CCDC73: variants seen among roughly 807,000 people sequenced by gnomAD.
The protein encoded by CCDC73 is coiled-coil domain containing 73.
Under a neutral mutation model 116.5 loss-of-function variants are expected in CCDC73, and 95 were observed. That is an observed-to-expected ratio of 0.82 (90% CI 0.69 to 0.97). The LOEUF (loss-of-function observed/expected upper bound fraction) is 0.97, where lower values mean the gene tolerates loss of function less well. CCDC73 is among the 50% of genes least tolerant of loss of function. CCDC73 has a pLI of 0.00. For missense variants in CCDC73, 1,066 were observed against 1,206.8 expected, an observed-to-expected ratio of 0.88 and a Z score of 1.73; for synonymous variants, 398 against 401.3, an observed-to-expected ratio of 0.99 and a Z score of 0.10.
At chr11:32,670,711 C>T (rs995977088) in intron 9 of CCDC73, among the ~76,000 whole-genome samples, 19 of 152,076 alleles carry the variant, frequency 1.2e-4, no homozygotes, top group Admixed American at 9.2e-4. Flanking sequence ...TTACAAAATG[C>T]GACAAATGTC....
At chr11:32,648,903 A>G (rs1855802347) in intron 12 of CCDC73, among the ~76,000 whole-genome samples, 1 of 152,168 alleles carries the variant, frequency 6.6e-6, no homozygotes. Flanking sequence ...GCTAAGATTA[A>G]GTATAGTATA....
intron 3 of CCDC73, among the ~76,000 whole-genome samples, chr11:32,703,724 A>G (rs923048537): frequency 8.9e-6 from 1 of 112,680 alleles, no homozygotes; most frequent in Non-Finnish European, 1.9e-5. Context: ...CAAAACTACC[A>G]CAAGAGAATT....
At chr11:32,705,650 G>A (rs1030456416) in intron 3 of CCDC73, among the ~76,000 whole-genome samples, 16 of 152,122 alleles carry the variant, frequency 1.1e-4, no homozygotes, top group Admixed American at 8.5e-4. Flanking sequence ...CAGCGGGTGC[G>A]AGCAAAACTC....
At chr11:32,648,770 C>T (rs1855801418) in intron 12 of CCDC73, among the ~76,000 whole-genome samples, 1 of 152,130 alleles carries the variant, frequency 6.6e-6, no homozygotes, top group South Asian at 2.1e-4. Context: ...AGGCTGGTCT[C>T]GAATTCCTGA....
chr11:32,696,063 T>G (rs1440700203), intron 6 of CCDC73, among the ~76,000 whole-genome samples: 1 of 152,170 alleles, frequency 6.6e-6, no homozygotes, highest in African/African-American at 2.4e-5. Flanking sequence ...TTTATACCTA[T>G]GTAAACTTCA....
rs1855470802 is a variant in CCDC73 at position 32,616,026 on chromosome 11, T to C, written c.1289A>G (p.Asn430Ser). Residue 430 changes from asparagine to serine, a missense_variant, in exon 15 of 18, where the codon AAT becomes AGT. Transcript: ENST00000335185. ...AGTATCTGAACAAAAATTCTCCATA[T>C]TTTCTTCCCTTATTTCTTGCTCAGT... is the stretch of plus-strand genomic sequence containing the variant. ...YNTEQEIREENMENFCSDTEY... is the reference protein window; with the variant it reads ...YNTEQEIREESMENFCSDTEY... The C allele has an allele frequency of 3.1e-6, 5 of 1,603,710 alleles. No individual in the cohort carries two copies. In the African/African-American group the frequency reaches 4.0e-5, roughly 13 times the overall value.
intron 1 of CCDC73, among the ~76,000 whole-genome samples, chr11:32,765,931 G>C (rs1428988530): frequency 6.6e-6 from 1 of 152,230 alleles, no homozygotes; most frequent in Non-Finnish European, 1.5e-5. Context: ...AATAGAAAGA[G>C]AGAGAATCCT....
chr11:32,676,251 T>G (rs1856088092), intron 7 of CCDC73, among the ~76,000 whole-genome samples: 1 of 152,204 alleles, frequency 6.6e-6, no homozygotes, highest in South Asian at 2.1e-4. Flanking sequence ...AGCAAAATAG[T>G]CACTTCAGGT....
chr11:32,778,583 A>G (rs1850556356), intron 1 of CCDC73, among the ~76,000 whole-genome samples: 1 of 152,074 alleles, frequency 6.6e-6, no homozygotes, highest in African/African-American at 2.4e-5. Flanking sequence ...AGGCTGAGGC[A>G]GGCGGATCAC....
At chr11:32,653,093 T>C (rs187911671) in intron 12 of CCDC73, 30 bp downstream of exon 12, 32 of 1,275,676 alleles carry the variant, frequency 2.5e-5, no homozygotes, top group Middle Eastern at 1.9e-4. Flanking sequence ...CACAGATAGA[T>C]AGACAGACAG....
chr11:32,709,187 T>A (rs1207176874), intron 3 of CCDC73, among the ~76,000 whole-genome samples: 1 of 152,230 alleles, frequency 6.6e-6, no homozygotes, highest in East Asian at 1.9e-4. Context: ...TAAATTCTGT[T>A]TACATGATAT....
At chr11:32,730,023 C>T (rs542575616) in intron 2 of CCDC73, among the ~76,000 whole-genome samples, 1 of 152,308 alleles carries the variant, frequency 6.6e-6, no homozygotes, top group East Asian at 1.9e-4. Context: ...CCCTACTCTG[C>T]TCACTGAAGT....
intron 1 of CCDC73, among the ~76,000 whole-genome samples, chr11:32,773,627 C>G (rs891405832): frequency 1.3e-5 from 2 of 151,854 alleles, no homozygotes; most frequent in Admixed American, 1.3e-4. Context: ...CAAACACACA[C>G]ACACACACAA....
chr11:32,607,080 ATTTTTTTTTTTTTTTTTTTT>A (rs759164050), intron 17 of CCDC73, among the ~76,000 whole-genome samples: 4 of 74,164 alleles, frequency 5.4e-5, no homozygotes, highest in Non-Finnish European at 9.5e-5. Context: ...CCAAAAATAA[ATTTTTTTTTTTTTTTTTTTT>A]TTTTTTTTTT....
chr11:32,755,973 A>C (rs1448550142), intron 2 of CCDC73, among the ~76,000 whole-genome samples: 1 of 11,192 alleles, frequency 8.9e-5, no homozygotes, highest in African/African-American at 4.1e-4. Flanking sequence ...ATCTCCATAT[A>C]TATATCTATA....
chr11:32,688,035 G>C (rs949190437), intron 6 of CCDC73, among the ~76,000 whole-genome samples: 1 of 152,076 alleles, frequency 6.6e-6, no homozygotes, highest in Non-Finnish European at 1.5e-5. Flanking sequence ...AGGAAACTAT[G>C]AGTCTATATT....
At chr11:32,668,490 T>C (rs926816029) in intron 9 of CCDC73, among the ~76,000 whole-genome samples, 1 of 152,020 alleles carries the variant, frequency 6.6e-6, no homozygotes, top group South Asian at 2.1e-4. Context: ...CTTTGTCTAA[T>C]ATAAAAGTTG....
the CCDC73 span, among the ~76,000 whole-genome samples, chr11:32,825,003 G>A: frequency 6.6e-6 from 1 of 152,146 alleles, no homozygotes; most frequent in Non-Finnish European, 1.5e-5. Context: ...AAGGATCGCT[G>A]GAGCCCAGGA....
At chr11:32,764,976 A>G (rs1402931834) in intron 1 of CCDC73, among the ~76,000 whole-genome samples, 2 of 152,232 alleles carry the variant, frequency 1.3e-5, no homozygotes, top group Non-Finnish European at 2.9e-5. Context: ...AGTCTCTGAT[A>G]AAACAGACTT....
Sources: gnomAD v4.1 joint callset for allele counts (sites outside exome capture counted in the v4.1 genomes callset) on GRCh38, gnomAD v4.1.1 for gene constraint, MANE v1.5 for transcripts, NCBI Gene and HGNC (gene_info 2026-07-23, HGNC 2026-07-21) for gene names.